The following RANGAP1 variants were observed in gnomAD, a reference collection of about 807,000 sequenced individuals.
RANGAP1 encodes the protein Ran GTPase activating protein 1.
RANGAP1 carries 38 observed loss-of-function variants against 63.5 expected under a neutral mutation model. The observed-to-expected ratio is 0.60, with a 90% CI of 0.46 to 0.78. The LOEUF (loss-of-function observed/expected upper bound fraction) is 0.78. Among genes scored for constraint, RANGAP1 ranks in the 30% least tolerant of loss-of-function variants. The probability of loss-of-function intolerance (pLI) is 0.00; values close to 1 mark genes in which losing one functional copy is unlikely to be tolerated. For missense variants in RANGAP1, 630 were observed against 740.3 expected, an observed-to-expected ratio of 0.85 and a Z score of 1.73; for synonymous variants, 329 against 310.5, an observed-to-expected ratio of 1.06 and a Z score of -0.63.
Position 41,257,865 on chromosome 22 carries a change from A to G in RANGAP1, c.774+83T>C. 6.8e-7 allele frequency: 1 copy of G among 1,473,760 alleles called. No individual in the cohort carries two copies. Among genetic ancestry groups the G allele is most frequent in the Non-Finnish European group, 9.2e-7 (1 of 1,087,754 alleles). The allele number at this position is 1,473,760 out of a possible 1,614,324, so 91.3% of individuals were successfully genotyped here. On this transcript the variant is annotated intron_variant, in intron 7 of 15. Transcript: ENST00000356244. This position sits in a 1 kb window ranked among gnomAD's most constrained non-coding sequence, Gnocchi z 4.0. ...GGCAGGGGGTAGAGGAGTCCCTGCT[A>G]AACGGAGCCCCAGCTTCCCTGGAAA...
chr22:41,265,203 G>A (rs1569191119), intron 4 of RANGAP1, among the ~76,000 whole-genome samples: 3 of 152,254 alleles, frequency 2.0e-5, no homozygotes, highest in South Asian at 4.1e-4. Flanking sequence ...GAGGAAAGCT[G>A]TGGGTAGGCT....
chr22:41,288,697 G>A (rs1288495862), upstream of RANGAP1, among the ~76,000 whole-genome samples: 2 of 151,972 alleles, frequency 1.3e-5, no homozygotes, highest in Non-Finnish European at 2.9e-5. Context: ...AGGACATTGG[G>A]TTTTCGGAAC....
At chr22:41,302,210 G>GC in the RANGAP1 span, among the ~76,000 whole-genome samples, 1 of 151,952 alleles carries the variant, frequency 6.6e-6, no homozygotes, top group African/African-American at 2.4e-5. This position sits in a 1 kb window ranked among gnomAD's most constrained non-coding sequence, Gnocchi z 5.7. Flanking sequence ...CGCTGGCAGG[G>GC]CCCCCCTTCC....
upstream of RANGAP1, chr22:41,286,343 C>A (rs535570383): frequency 1.3e-5 from 2 of 152,316 alleles, no homozygotes; most frequent in African/African-American, 2.4e-5. Context: ...GGGGCGCGCA[C>A]CGCGAACTAC....
intron 3 of RANGAP1, 28 bp from the exon 4 acceptor site, chr22:41,268,184 C>A (rs770266869): frequency 4.6e-6 from 7 of 1,511,428 alleles, no homozygotes; most frequent in Non-Finnish European, 6.3e-6. Context: ...GAAGAGTTAG[C>A]GGGAGAGAGA....
intron 1 of RANGAP1, among the ~76,000 whole-genome samples, chr22:41,284,103 C>T (rs548166336): frequency 6.6e-6 from 1 of 151,822 alleles, no homozygotes; most frequent in South Asian, 2.1e-4. Flanking sequence ...AAAAATTAGC[C>T]GGGCCTGGTG....
chr22:41,265,618 G>A (rs190165185), intron 4 of RANGAP1, among the ~76,000 whole-genome samples: 198 of 152,286 alleles, frequency 1.3e-3, no homozygotes, highest in Non-Finnish European at 1.9e-3. Flanking sequence ...TCTAAGCCAC[G>A]GCCAGGATCA....
intron 15 of RANGAP1, among the ~76,000 whole-genome samples, chr22:41,247,314 C>CA (rs1358552057): frequency 6.6e-6 from 1 of 152,138 alleles, no homozygotes; most frequent in African/African-American, 2.4e-5. Context: ...CTCGGCCTCC[C>CA]AAAGTGCTGG....
At chr22:41,282,594 T>A (rs1361750387) in intron 1 of RANGAP1, 1 of 152,250 alleles carries the variant, frequency 6.6e-6, no homozygotes, top group Non-Finnish European at 1.5e-5. Flanking sequence ...AGTGCTGGGA[T>A]TACACGCATG....
chr22:41,256,438 C>A, intron 8 of RANGAP1, 148 bp from the exon 9 acceptor site: 3 of 757,618 alleles, frequency 4.0e-6, no homozygotes, highest in Non-Finnish European at 6.5e-6. Context: ...ACACCAACAA[C>A]AAAAATAATG....
chr22:41,292,293 G>A, the RANGAP1 span, among the ~76,000 whole-genome samples: 33 of 151,814 alleles, frequency 2.2e-4, no homozygotes, highest in Admixed American at 1.9e-3. Flanking sequence ...GATTACAGGC[G>A]CCCAACACCA....
chr22:41,255,587 A>C (rs2145711652), intron 10 of RANGAP1, among the ~76,000 whole-genome samples: 1 of 105,962 alleles, frequency 9.4e-6, no homozygotes, highest in Non-Finnish European at 1.8e-5. Context: ...ATCTGGCCTC[A>C]CCCCTTCAGA....
intron 1 of RANGAP1, chr22:41,281,556 C>A: frequency 1.0e-6 from 1 of 988,898 alleles, no homozygotes; most frequent in Non-Finnish European, 1.2e-6. Context: ...GAGAATGCCC[C>A]ACCACCCACG....
At chr22:41,249,969 G>A in intron 13 of RANGAP1, 152 bp from the exon 14 acceptor site, 1 of 669,176 alleles carries the variant, frequency 1.5e-6, no homozygotes, top group Non-Finnish European at 2.7e-6. Context: ...CAGAGACACA[G>A]GAACCAGAGG....
intron 11 of RANGAP1, 109 bp downstream of exon 11, chr22:41,254,199 T>C (rs1044725600): frequency 1.2e-5 from 14 of 1,190,660 alleles, no homozygotes; most frequent in African/African-American, 1.6e-5. Flanking sequence ...AAAAAAATGT[T>C]TGTGGCTACT....
chr22:41,286,855 G>C (rs1036063518), upstream of RANGAP1, among the ~76,000 whole-genome samples: 5 of 152,158 alleles, frequency 3.3e-5, no homozygotes, highest in African/African-American at 1.2e-4. Context: ...CATGACCTTA[G>C]TCTAATCATG....
At chr22:41,266,830 G>C (rs2034505075) in intron 4 of RANGAP1, among the ~76,000 whole-genome samples, 1 of 151,830 alleles carries the variant, frequency 6.6e-6, no homozygotes, top group Non-Finnish European at 1.5e-5. Context: ...ACAGGCGTGA[G>C]CCACTGCGCC....
At chr22:41,255,194 T>C (rs1320853443) in intron 10 of RANGAP1, among the ~76,000 whole-genome samples, 1 of 151,894 alleles carries the variant, frequency 6.6e-6, no homozygotes, top group Non-Finnish European at 1.5e-5. Flanking sequence ...AGAGTAGGGG[T>C]GTCCTTGCCC....
At chr22:41,271,960 C>G (rs1283817595) in intron 3 of RANGAP1, among the ~76,000 whole-genome samples, 3 of 152,232 alleles carry the variant, frequency 2.0e-5, no homozygotes, top group Admixed American at 1.3e-4. Flanking sequence ...TCACTCGAGC[C>G]ACTGCATCTG....
Sources: gnomAD v4.1 joint callset for allele counts (sites outside exome capture counted in the v4.1 genomes callset) on GRCh38, gnomAD v4.1.1 for gene constraint, Gnocchi (gnomAD v3.1) non-coding constraint, MANE v1.5 for transcripts, NCBI Gene and HGNC (gene_info 2026-07-23, HGNC 2026-07-21) for gene names.